The following RARB variants were observed in gnomAD, a reference collection of about 807,000 sequenced individuals.
RARB encodes HBV-activated protein.
In RARB, 17 loss-of-function variants were observed where a neutral mutation model predicts 51.9. The observed-to-expected ratio is 0.33, with a 90% CI of 0.22 to 0.49. The LOEUF (loss-of-function observed/expected upper bound fraction) is 0.49, where lower values mean the gene tolerates loss of function less well. Among genes scored for constraint, RARB ranks in the 20% least tolerant of loss-of-function variants. The pLI is 0.99. For synonymous variants in RARB, 215 were observed against 195.4 expected (o/e 1.10, Z -0.84); for missense variants, 369 against 550.8 (o/e 0.67, Z 3.30).
At chr3:25,136,957 G>C (rs1700039862) in intron 4 of RARB, among the ~76,000 whole-genome samples, 1 of 151,930 alleles carries the variant, frequency 6.6e-6, no homozygotes, top group Non-Finnish European at 1.5e-5. Context: ...AGCCCAGAAT[G>C]GCCCATGATT....
intron 5 of RARB, among the ~76,000 whole-genome samples, chr3:25,184,802 G>A (rs1332738174): frequency 6.6e-6 from 1 of 152,020 alleles, no homozygotes; most frequent in Non-Finnish European, 1.5e-5. Context: ...TGAGTCAGGA[G>A]GATCACTTAA....
At chr3:25,246,069 G>C (rs1421067491) in intron 5 of RARB, among the ~76,000 whole-genome samples, 2 of 151,772 alleles carry the variant, frequency 1.3e-5, no homozygotes, top group African/African-American at 4.8e-5. Context: ...TCTTTAAGTT[G>C]ATCTTCAATC....
chr3:25,207,969 G>A (rs558497837), intron 5 of RARB, among the ~76,000 whole-genome samples: 5 of 151,878 alleles, frequency 3.3e-5, no homozygotes, highest in Admixed American at 1.3e-4. Flanking sequence ...ATGGCAGAAA[G>A]CAAAGCAGGA....
chr3:25,535,224 A>G (rs1466123579), intron 3 of RARB, among the ~76,000 whole-genome samples: 1 of 152,040 alleles, frequency 6.6e-6, no homozygotes, highest in Non-Finnish European at 1.5e-5. Context: ...TTTCTTAATT[A>G]ATGAATGTTG....
chr3:24,922,920 G>A (rs1281919098), intron 2 of RARB, among the ~76,000 whole-genome samples: 2 of 152,154 alleles, frequency 1.3e-5, no homozygotes, highest in Non-Finnish European at 2.9e-5. Flanking sequence ...GACAGCTAGA[G>A]AAGACTACAT....
intron 2 of RARB, among the ~76,000 whole-genome samples, chr3:24,902,054 ACAG>A (rs1011283497): frequency 6.6e-6 from 1 of 151,862 alleles, no homozygotes; most frequent in Admixed American, 6.6e-5. Context: ...TAAGGAAAGA[ACAG>A]CAAAGAAAGA....
At chr3:25,329,455 A>G (rs143894163) in intron 5 of RARB, among the ~76,000 whole-genome samples, 1,760 of 152,296 alleles carry the variant, frequency 0.012, 36 homozygotes, top group African/African-American at 0.04. Flanking sequence ...CCTGACTTTT[A>G]GAAGGAAAAC....
intron 3 of RARB, among the ~76,000 whole-genome samples, chr3:25,528,911 G>A (rs1698776680): frequency 6.6e-6 from 1 of 151,760 alleles, no homozygotes; most frequent in South Asian, 2.1e-4. Flanking sequence ...GCATTGATTG[G>A]GCCTCACCTC....
In RARB at chr3:25,028,463, G is replaced by A. The variant is rs189008393; in HGVS notation, c.-379-31662G>A. On this transcript the variant is annotated intron_variant, in intron 2 of 11. Coordinates refer to the RARB transcript ENST00000383772. ...TTCCTGGGACTCCACTGGAGGTGGG[G>A]TTCAGCAAGAGGCAGAGTCGTTGCC... Among the ~76,000 whole-genome samples the A allele has an allele frequency of 3.8e-4, 58 of 152,302 alleles. No homozygotes were observed. In the East Asian group the frequency reaches 5.6e-3, roughly 15 times the overall value.
chr3:24,965,183 T>G (rs746529077), intron 2 of RARB, among the ~76,000 whole-genome samples: 1 of 152,210 alleles, frequency 6.6e-6, no homozygotes, highest in African/African-American at 2.4e-5. Flanking sequence ...GGAGTTCTTA[T>G]ATTTTCCCAC....
chr3:24,859,375 G>GA (rs2125340738), intron 2 of RARB, among the ~76,000 whole-genome samples: 1 of 152,282 alleles, frequency 6.6e-6, no homozygotes, highest in African/African-American at 2.4e-5. Context: ...GATGAAATGT[G>GA]AAGTAAGTTT....
chr3:24,978,607 TTA>T (rs1344243587), intron 2 of RARB, among the ~76,000 whole-genome samples: 3 of 152,178 alleles, frequency 2.0e-5, no homozygotes, highest in South Asian at 2.1e-4. Flanking sequence ...GATATCCCCT[TTA>T]TGATTTTTTT....
At chr3:24,853,660 G>A (rs1702593119) in intron 1 of RARB, among the ~76,000 whole-genome samples, 1 of 152,176 alleles carries the variant, frequency 6.6e-6, no homozygotes, top group South Asian at 2.1e-4. Context: ...TTTGTAAGAT[G>A]GAGTGTCTTC....
intron 2 of RARB, among the ~76,000 whole-genome samples, chr3:24,892,437 A>G (rs1703403785): frequency 6.6e-6 from 1 of 152,154 alleles, no homozygotes; most frequent in Non-Finnish European, 1.5e-5. Context: ...GATAGAACTT[A>G]TGAAGGTGGC....
chr3:25,488,393 G>T (rs965410613), intron 2 of RARB, among the ~76,000 whole-genome samples: 27 of 152,342 alleles, frequency 1.8e-4, no homozygotes, highest in African/African-American at 6.0e-4. Context: ...AGGAGAGACT[G>T]AAGTGCTTTT....
At chr3:25,415,992 C>A (rs1051881597) in intron 5 of RARB, among the ~76,000 whole-genome samples, 2 of 152,166 alleles carry the variant, frequency 1.3e-5, no homozygotes, top group African/African-American at 4.8e-5. Context: ...GAACACACAG[C>A]AATGGACATG....
At chr3:25,345,285 T>G (rs535540831) in intron 5 of RARB, among the ~76,000 whole-genome samples, 1 of 152,330 alleles carries the variant, frequency 6.6e-6, no homozygotes, top group South Asian at 2.1e-4. Context: ...CAACTGAGGC[T>G]GCTGAGCAGA....
At chr3:25,318,652 T>C (rs1056086152) in intron 5 of RARB, among the ~76,000 whole-genome samples, 1 of 152,188 alleles carries the variant, frequency 6.6e-6, no homozygotes, top group Non-Finnish European at 1.5e-5. Context: ...CAAGTCCTTA[T>C]TAAAGAAGGA....
chr3:25,021,770 G>T (rs990738008), intron 2 of RARB, among the ~76,000 whole-genome samples: 7 of 152,180 alleles, frequency 4.6e-5, no homozygotes, highest in African/African-American at 1.7e-4. Flanking sequence ...CAAAGAAACA[G>T]TGTTGGCCAG....
Sources: gnomAD v4.1 joint callset for allele counts (sites outside exome capture counted in the v4.1 genomes callset) on GRCh38, gnomAD v4.1.1 for gene constraint, MANE v1.5 for transcripts, NCBI Gene and HGNC (gene_info 2026-07-23, HGNC 2026-07-21) for gene names.